The following ST7 variants were observed in gnomAD, a reference collection of about 807,000 sequenced individuals.
The protein encoded by ST7 is suppressor of tumorigenicity 7 protein.
A neutral mutation model predicts 78.7 loss-of-function variants in ST7; 28 were observed. That is an observed-to-expected ratio of 0.36 (90% confidence interval 0.26 to 0.49). ST7 has a LOEUF of 0.49. ST7 is among the 20% of genes least tolerant of loss of function. The pLI, the probability that ST7 is intolerant of heterozygous loss-of-function variation, is 0.99. For synonymous variants in ST7, 247 were observed against 249.6 expected (o/e 0.99, Z 0.10); for missense variants, 418 against 696.0 (o/e 0.60, Z 4.49).
intron 13 of ST7, among the ~76,000 whole-genome samples, chr7:117,216,443 A>G (rs1792696723): frequency 1.3e-5 from 2 of 152,220 alleles, no homozygotes; most frequent in Admixed American, 6.5e-5. Flanking sequence ...ATTCATTCAT[A>G]AAATAGATCT....
chr7:117,224,821 G>A (rs774500441), intron 15 of ST7, among the ~76,000 whole-genome samples: 2 of 152,188 alleles, frequency 1.3e-5, no homozygotes, highest in Non-Finnish European at 2.9e-5. Context: ...GACACTGCTT[G>A]GAAAGCTGAA....
intron 9 of ST7, among the ~76,000 whole-genome samples, chr7:117,167,621 C>A (rs1210411408): frequency 1.3e-5 from 2 of 151,794 alleles, no homozygotes; most frequent in Non-Finnish European, 1.5e-5. Flanking sequence ...GATGCTGAGA[C>A]CCTGGAAATG....
At chr7:117,037,020 C>T (rs1278795543) in intron 1 of ST7, among the ~76,000 whole-genome samples, 1 of 152,154 alleles carries the variant, frequency 6.6e-6, no homozygotes, top group African/African-American at 2.4e-5. Context: ...TTGGACCCAG[C>T]ATTGTGGCTC....
chr7:117,157,605 T>A (rs537202217), intron 9 of ST7, among the ~76,000 whole-genome samples: 1 of 152,302 alleles, frequency 6.6e-6, no homozygotes, highest in Middle Eastern at 3.4e-3. Flanking sequence ...TATGCATTAA[T>A]CTACTGAATA....
At chr7:117,047,488 T>C (rs930037137) in intron 1 of ST7, among the ~76,000 whole-genome samples, 2 of 152,184 alleles carry the variant, frequency 1.3e-5, no homozygotes, top group Non-Finnish European at 2.9e-5. Flanking sequence ...GATATAATTA[T>C]ATTTAGAGAG....
intron 1 of ST7, among the ~76,000 whole-genome samples, chr7:117,035,421 C>T (rs1323920334): frequency 4.6e-5 from 7 of 152,034 alleles, no homozygotes; most frequent in African/African-American, 1.2e-4. Flanking sequence ...GAAACATTTT[C>T]TATTTTTAAT....
chr7:117,174,244 G>A (rs1808203352), intron 10 of ST7, among the ~76,000 whole-genome samples: 1 of 152,074 alleles, frequency 6.6e-6, no homozygotes, highest in African/African-American at 2.4e-5. Context: ...ATTATAGGTG[G>A]GCAGTTTTAT....
intron 1 of ST7, among the ~76,000 whole-genome samples, chr7:117,014,530 A>C (rs1364259402): frequency 6.6e-6 from 1 of 152,274 alleles, no homozygotes; most frequent in African/African-American, 2.4e-5. Flanking sequence ...TAAAATATGC[A>C]TATGTACTAT....
chr7:117,026,456 A>C (rs938488645), intron 1 of ST7, among the ~76,000 whole-genome samples: 38 of 152,228 alleles, frequency 2.5e-4, no homozygotes, highest in African/African-American at 8.7e-4. Context: ...TATTATTTAA[A>C]AGGTCCCATT....
At chr7:117,117,492 C>G (rs566599383) in intron 2 of ST7, among the ~76,000 whole-genome samples, 1 of 152,156 alleles carries the variant, frequency 6.6e-6, no homozygotes, top group Non-Finnish European at 1.5e-5. Context: ...ACAGAATTTT[C>G]TGGGTCCTTT....
rs970587202 is a variant in ST7 at position 117,230,029 on chromosome 7, T to A, written c.*172T>A. On this transcript the variant is annotated 3_prime_UTR_variant, in exon 16 of 16. Coordinates refer to ENST00000323984, the MANE Select transcript of ST7 (RefSeq NM_001369598.1). Reference sequence around the variant, plus strand: ...GCTGTTTTTGTTGTACAAAATTCACTGATGTTCAGTTCTATTTTATTTTGC... The same window carrying A: ...GCTGTTTTTGTTGTACAAAATTCACAGATGTTCAGTTCTATTTTATTTTGC... The A allele has an allele frequency of 1.5e-5, 11 of 740,810 alleles. No homozygotes were observed. Among genetic ancestry groups the A allele is most frequent in the Non-Finnish European group, 2.7e-5 (11 of 403,262 alleles). The allele number at this position is 740,810 out of a possible 1,614,324, so 45.9% of individuals were successfully genotyped here.
chr7:117,181,496 G>A (rs188878065), intron 10 of ST7, among the ~76,000 whole-genome samples: 2 of 152,288 alleles, frequency 1.3e-5, no homozygotes, highest in Non-Finnish European at 2.9e-5. Context: ...AAAAGATTTT[G>A]GGAGGTTGAC....
intron 1 of ST7, among the ~76,000 whole-genome samples, chr7:117,045,904 G>T (rs1563038853): frequency 6.6e-6 from 1 of 152,176 alleles, no homozygotes; most frequent in African/African-American, 2.4e-5. Flanking sequence ...TCAGTTAAAG[G>T]GAAATCAAGT....
At position 117,096,422 on chromosome 7, in the gene ST7, TA is replaced by T. The variant is rs771438868; in HGVS notation, c.152-3333del. On this transcript the variant is annotated intron_variant, in intron 1 of 15. Transcript: ENST00000323984. Reference sequence around the variant, plus strand: ...GCCGAGATAAAAATAAGTACAATGTTAAAAAAATCTATCTTATAGTATCATT... The same window carrying T: ...GCCGAGATAAAAATAAGTACAATGTTAAAAAATCTATCTTATAGTATCATT... 8.5e-4 allele frequency among the ~76,000 whole-genome samples: 129 copies of T among 152,340 alleles called. 2 individuals carry two copies. Among genetic ancestry groups the T allele is most frequent in the Non-Finnish European group, 1.2e-3 (85 of 68,024 alleles).
At chr7:116,977,569 T>G (rs1474347843) in intron 1 of ST7, among the ~76,000 whole-genome samples, 3 of 152,208 alleles carry the variant, frequency 2.0e-5, no homozygotes, top group Non-Finnish European at 4.4e-5. Flanking sequence ...TTTTTTTATT[T>G]TGAGACAAGG....
chr7:117,222,860 G>T, intron 15 of ST7: 1 of 1,613,214 alleles, frequency 6.2e-7, no homozygotes, highest in South Asian at 1.1e-5. Context: ...TCCCTTTCCA[G>T]ATGATTGACA....
In ST7 at chr7:117,190,437, C is replaced by T. The variant is rs866504344; in HGVS notation, c.1152-397C>T. Among the ~76,000 whole-genome samples the T allele has an allele frequency of 1.1e-4, 17 of 152,238 alleles. No homozygotes were observed. Among genetic ancestry groups the T allele is most frequent in the Middle Eastern group, 6.8e-3 (2 of 294 alleles). ...CGCAGCACTGACATTGGGTGGGAGG[C>T]CTCCTTTCAAATCCTTCCCAGTTCT... On this transcript the variant is annotated intron_variant, in intron 11 of 15. Coordinates refer to ENST00000323984, the MANE Select transcript of ST7 (RefSeq NM_001369598.1). The surrounding 1 kb of genome is among the most constrained non-coding windows in gnomAD (Gnocchi z 5.2).
At chr7:116,989,294 C>T (rs910865173) in intron 1 of ST7, among the ~76,000 whole-genome samples, 1 of 152,166 alleles carries the variant, frequency 6.6e-6, no homozygotes, top group African/African-American at 2.4e-5. Flanking sequence ...GCTCGTGCTA[C>T]CCTTTTGGAC....
rs1792260633 is a variant in ST7, at chr7:116,953,687, C to T, written c.147C>T (p.Ser49=). 2 of 1,488,144 alleles carry T rather than the reference C, an allele frequency of 1.3e-6. No individual in the cohort carries two copies. The highest frequency in any genetic ancestry group is 9.1e-7 in the Non-Finnish European group (1 of 1,104,498). The allele number at this position is 1,488,144 out of a possible 1,614,324, so 92.2% of individuals were successfully genotyped here. A position where few individuals can be genotyped will look rare whatever the true frequency, so the allele number is the denominator to read the frequency against. Residue 49 remains serine, a synonymous_variant, in exon 1 of 16, where the codon AGC becomes AGT. Coordinates refer to ENST00000323984, the MANE Select transcript of ST7 (RefSeq NM_001369598.1). The stretch of plus-strand genomic sequence containing the variant: ...CTTTGAAAATCAACGACAACTTGAG[C>T]ACAGGTAAGGCCTGGGAGCCGGGCC... ...RVPLKINDNL[S]TVSMFLNTLT...
Sources: allele counts gnomAD v4.1 joint callset (sites outside exome capture counted in the v4.1 genomes callset), GRCh38; gene constraint gnomAD v4.1.1; non-coding constraint Gnocchi (gnomAD v3.1); transcripts MANE v1.5; gene names NCBI Gene and HGNC (gene_info 2026-07-23, HGNC 2026-07-21).